The following SLC41A3 variants were observed in gnomAD, a reference collection of about 807,000 sequenced individuals.
SLC41A3 encodes the protein SLC41A1-like 2.
In SLC41A3, 44 loss-of-function variants were observed where a neutral mutation model predicts 45.4. That is an observed-to-expected ratio of 0.97 (90% CI 0.76 to 1.25). The LOEUF is 1.25. Ranked by LOEUF, SLC41A3 falls within the 50% of genes most tolerant of loss-of-function variation. SLC41A3 has a pLI of 0.00. For synonymous variants in SLC41A3, 256 were observed against 252.4 expected, an observed-to-expected ratio of 1.01 and a Z score of -0.13; for missense variants, 550 against 600.6, an observed-to-expected ratio of 0.92 and a Z score of 0.88.
chr3:126,041,273 G>T (rs749637965), intron 3 of SLC41A3, among the ~76,000 whole-genome samples: 4 of 151,520 alleles, frequency 2.6e-5, no homozygotes, highest in African/African-American at 9.7e-5. Flanking sequence ...TTATGGAGGG[G>T]GGGTGGGGGA....
At chr3:126,088,791 T>C (rs1009009961), upstream of SLC41A3, among the ~76,000 whole-genome samples, 1 of 152,202 alleles carries the variant, frequency 6.6e-6, no homozygotes, top group Non-Finnish European at 1.5e-5. Context: ...GTATAGCGGA[T>C]TGTAAAAATA....
At chr3:126,095,205 G>A (rs890238736) in intron 1 of SLC41A3, 25 of 688,724 alleles carry the variant, frequency 3.6e-5, no homozygotes, top group South Asian at 4.5e-5. Context: ...ATCAACAGCC[G>A]ATTTGGATAC....
rs1941357280 is a variant in SLC41A3, at chr3:126,026,453, C to G, written c.480G>C (p.Leu160Phe). Residue 160 changes from leucine to phenylalanine, a missense_variant, in exon 5 of 11, where the codon TTG becomes TTC. Coordinates refer to ENST00000360370, the MANE Select transcript of SLC41A3 (RefSeq NM_017836.4). This position sits in a 1 kb window ranked among gnomAD's most constrained non-coding sequence, Gnocchi z 4.2. ...IQVQATVVGLLAAVAALLLGV... is the reference protein window; with the variant it reads ...IQVQATVVGLFAAVAALLLGV... ...CCAACAGCAGCGCAGCCACAGCAGC[C>G]AAGAGCCCCACGACAGTGGCCTGCA... 3 of 1,604,298 alleles carry G rather than the reference C, an allele frequency of 1.9e-6. No homozygotes were observed. The highest frequency in any genetic ancestry group is 2.6e-6 in the Non-Finnish European group (3 of 1,175,192).
intron 1 of SLC41A3, among the ~76,000 whole-genome samples, chr3:126,074,701 G>C (rs1426387920): frequency 6.6e-6 from 1 of 151,826 alleles, no homozygotes; most frequent in Non-Finnish European, 1.5e-5. Flanking sequence ...GTTGTTTTGA[G>C]ACAGGCTCTC....
At chr3:126,016,458 C>A (rs1045100590) in intron 7 of SLC41A3, among the ~76,000 whole-genome samples, 1 of 152,236 alleles carries the variant, frequency 6.6e-6, no homozygotes, top group Admixed American at 6.5e-5. Context: ...ACTCCAGTGC[C>A]GGCCCCAGCT....
At chr3:126,054,788 G>T (rs902185701) in intron 2 of SLC41A3, among the ~76,000 whole-genome samples, 2 of 151,870 alleles carry the variant, frequency 1.3e-5, no homozygotes, top group Non-Finnish European at 2.9e-5. Context: ...CCAGCCCTCC[G>T]GAACGCCTAA....
chr3:126,019,759 G>A (rs373452997), intron 6 of SLC41A3, among the ~76,000 whole-genome samples: 7 of 152,068 alleles, frequency 4.6e-5, no homozygotes, highest in Non-Finnish European at 1.0e-4. Flanking sequence ...AGGTTCCCAG[G>A]CCTCTGAGAT....
At chr3:126,083,508 C>A (rs1466525886) in intron 1 of SLC41A3, among the ~76,000 whole-genome samples, 4 of 152,184 alleles carry the variant, frequency 2.6e-5, no homozygotes, top group African/African-American at 9.7e-5. Flanking sequence ...GCTGGGCACC[C>A]CCAGGAGGTT....
chr3:126,060,439 TAC>T (rs60317078), intron 2 of SLC41A3, among the ~76,000 whole-genome samples: 44 of 146,324 alleles, frequency 3.0e-4, no homozygotes, highest in East Asian at 8.1e-4. Context: ...GTGAGAAGGA[TAC>T]ACACACACAC....
chr3:126,026,269 A>G lies in SLC41A3; in HGVS notation c.598+66T>C, dbSNP rs1190769242. 3.3e-6 allele frequency: 5 copies of G among 1,532,402 alleles called. No individual in the cohort carries two copies. In the African/African-American group the frequency reaches 5.5e-5, roughly 17 times the overall value. 94.9% of individuals were successfully genotyped at this position (1,532,402 alleles called of 1,614,324 possible). Reference sequence around the variant, plus strand: ...ACCCCCAGAAACTGAAAACACAATGAGCTCTGAGGTGGGACCTCAGAGGAG... The same window carrying G: ...ACCCCCAGAAACTGAAAACACAATGGGCTCTGAGGTGGGACCTCAGAGGAG... On this transcript the variant is annotated intron_variant, in intron 5 of 10. Transcript: ENST00000360370. This position sits in a 1 kb window ranked among gnomAD's most constrained non-coding sequence, Gnocchi z 4.2.
At chr3:126,081,629 C>T (rs773032614) in intron 1 of SLC41A3, among the ~76,000 whole-genome samples, 8 of 152,164 alleles carry the variant, frequency 5.3e-5, no homozygotes, top group Non-Finnish European at 1.0e-4. Flanking sequence ...TATTATGTGT[C>T]AATAAAATTT....
Position 126,082,677 on chromosome 3 carries a change from CCT to C in SLC41A3, c.-28+1414_-28+1415del, listed in dbSNP as rs373488798. On this transcript the variant is annotated intron_variant, in intron 1 of 10. Transcript: ENST00000360370. ...TCACCCAGAAGCATCCCTGTGTCAC[CCT>C]GTGAGGTTGGCCTTGGACCCAGGCC... Among the ~76,000 whole-genome samples the C allele has an allele frequency of 6.3e-3, 962 of 152,312 alleles. 10 individuals carry two copies. The highest frequency in any genetic ancestry group is 0.022 in the African/African-American group (924 of 41,576).
chr3:126,067,118 C>T (rs150772823), intron 2 of SLC41A3, among the ~76,000 whole-genome samples: 7 of 128,112 alleles, frequency 5.5e-5, no homozygotes, highest in South Asian at 5.8e-4. Flanking sequence ...GCCCCGGCCA[C>T]CGCACCACTA....
At chr3:126,014,151 T>C (rs1940022409) in intron 8 of SLC41A3, among the ~76,000 whole-genome samples, 2 of 152,136 alleles carry the variant, frequency 1.3e-5, no homozygotes, top group Non-Finnish European at 2.9e-5. Flanking sequence ...TGTGCACCAG[T>C]GACCTCTCAG....
intron 8 of SLC41A3, among the ~76,000 whole-genome samples, chr3:126,013,684 G>C (rs537507935): frequency 1.3e-5 from 2 of 152,294 alleles, no homozygotes; most frequent in Non-Finnish European, 2.9e-5. Context: ...TGTGGTCTGA[G>C]AGCGTTGAAG....
intron 3 of SLC41A3, among the ~76,000 whole-genome samples, chr3:126,043,536 T>C (rs1942731235): frequency 6.6e-6 from 1 of 152,054 alleles, no homozygotes; most frequent in Non-Finnish European, 1.5e-5. Flanking sequence ...AAAAATTTTA[T>C]AAGCATTTAA....
chr3:126,028,201 A>G (rs1306016645), intron 4 of SLC41A3, among the ~76,000 whole-genome samples: 1 of 152,208 alleles, frequency 6.6e-6, no homozygotes, highest in African/African-American at 2.4e-5. Flanking sequence ...CCTAGAAGAC[A>G]TCTTAGAGAC....
At chr3:126,030,481 G>A (rs1941717723) in intron 4 of SLC41A3, among the ~76,000 whole-genome samples, 1 of 152,096 alleles carries the variant, frequency 6.6e-6, no homozygotes, top group Non-Finnish European at 1.5e-5. Flanking sequence ...CCATTTGAAG[G>A]TATCTTATTC....
intron 3 of SLC41A3, among the ~76,000 whole-genome samples, chr3:126,039,347 C>T (rs905898021): frequency 6.6e-6 from 1 of 152,186 alleles, no homozygotes; most frequent in Non-Finnish European, 1.5e-5. Flanking sequence ...TTGCATTTAG[C>T]CACAGCTCCT....
Sources: allele counts gnomAD v4.1 joint callset (sites outside exome capture counted in the v4.1 genomes callset), GRCh38; gene constraint gnomAD v4.1.1; non-coding constraint Gnocchi (gnomAD v3.1); transcripts MANE v1.5; gene names NCBI Gene and HGNC (gene_info 2026-07-23, HGNC 2026-07-21).